Variants in ZNF516 observed in about 807,000 individuals in gnomAD.
The protein encoded by ZNF516 is zinc finger protein 516.
ZNF516 carries 19 observed loss-of-function variants against 79.7 expected under a neutral mutation model. The ratio of observed to expected loss-of-function variants is 0.24; its 90% CI spans 0.17 to 0.35. The LOEUF (loss-of-function observed/expected upper bound fraction) is 0.35, where lower values mean the gene tolerates loss of function less well. Ranked by LOEUF, ZNF516 falls within the 10% of genes least tolerant of loss-of-function variation. The pLI, the probability that ZNF516 is intolerant of heterozygous loss-of-function variation, is 1.00. For missense variants in ZNF516, 1,678 were observed against 1,679.5 expected (o/e 1.00, Z 0.02); for synonymous variants, 877 against 739.5 (o/e 1.19, Z -3.02).
intron 3 of ZNF516, among the ~76,000 whole-genome samples, chr18:76,383,993 T>C (rs2074937502): frequency 6.6e-6 from 1 of 152,182 alleles, no homozygotes; most frequent in South Asian, 2.1e-4. Context: ...AAGGTTTCGT[T>C]ACAGCCAGGT....
chr18:76,368,645 T>C (rs1284908522), intron 6 of ZNF516, among the ~76,000 whole-genome samples: 2 of 152,086 alleles, frequency 1.3e-5, no homozygotes, highest in Non-Finnish European at 2.9e-5. Flanking sequence ...TGGTATGAAG[T>C]ATAAAATAAC....
At chr18:76,463,845 T>C (rs774214949) in intron 1 of ZNF516, among the ~76,000 whole-genome samples, 5 of 152,230 alleles carry the variant, frequency 3.3e-5, no homozygotes, top group Non-Finnish European at 5.9e-5. Context: ...TAGCAAAGTA[T>C]TCATAATAAA....
intron 3 of ZNF516, among the ~76,000 whole-genome samples, chr18:76,437,985 GATGGAGT>G (rs2075766007): frequency 1.3e-5 from 2 of 152,318 alleles, no homozygotes; most frequent in South Asian, 4.1e-4. Context: ...GGTTCAACAG[GATGGAGT>G]ATGGATTTTA....
chr18:76,433,280 G>C (rs1259830482), intron 3 of ZNF516, among the ~76,000 whole-genome samples: 7 of 152,170 alleles, frequency 4.6e-5, no homozygotes, highest in Admixed American at 4.6e-4. Flanking sequence ...CATGGAGTTC[G>C]CTGTCAACTC....
chr18:76,384,888 A>G (rs1486332776), intron 3 of ZNF516, among the ~76,000 whole-genome samples: 14 of 152,242 alleles, frequency 9.2e-5, no homozygotes, highest in Non-Finnish European at 2.1e-4. Context: ...TGATTTGAGC[A>G]TGGCGTGGCC....
At chr18:76,479,866 A>G (rs562306105) in intron 1 of ZNF516, among the ~76,000 whole-genome samples, 2 of 152,342 alleles carry the variant, frequency 1.3e-5, no homozygotes, top group South Asian at 2.1e-4. Flanking sequence ...CACTTGGGAC[A>G]GGGCCTGAGG....
intron 3 of ZNF516, among the ~76,000 whole-genome samples, chr18:76,404,177 C>T (rs7227954): frequency 0.13 from 19,769 of 152,268 alleles, 2,483 homozygotes; most frequent in African/African-American, 0.33. Flanking sequence ...AAAGGGAAGA[C>T]CCTCGGAAGC....
At chr18:76,492,314 C>A (rs1185347124) in intron 1 of ZNF516, 1 of 985,350 alleles carries the variant, frequency 1.0e-6, no homozygotes, top group Non-Finnish European at 1.2e-6. Context: ...ACCGATATTC[C>A]TGAGAAAGTC....
rs140880977 is a variant in ZNF516 at position 76,422,822 on chromosome 18, G to A, written c.1810+18423C>T. On this transcript the variant is annotated intron_variant, in intron 3 of 6. Transcript: ENST00000443185. ...ACAGGTTAGAAAGAAATCTCCAATCGTAAACAATGACAAACTGGAATAGAT... is the reference window on the plus strand; with the variant it reads ...ACAGGTTAGAAAGAAATCTCCAATCATAAACAATGACAAACTGGAATAGAT... Among the ~76,000 whole-genome samples the A allele has an allele frequency of 6.0e-3, 914 of 152,178 alleles. 3 individuals carry two copies. The highest frequency in any genetic ancestry group is 9.7e-3 in the Non-Finnish European group (658 of 68,010).
chr18:76,424,073 C>A (rs2554839), intron 3 of ZNF516, among the ~76,000 whole-genome samples: 5 of 62,994 alleles, frequency 7.9e-5, no homozygotes, highest in African/African-American at 3.1e-4. Context: ...AAAAGGCTCC[C>A]TCCTGAAACA....
In ZNF516 at chr18:76,362,353, G is replaced by T; in HGVS notation, c.*145C>A. ...CCTTCAGTTTCCACTCCAGCGCAGC[G>T]GCTCGGGATGTGAGGTGTCTGCTCA... is the stretch of plus-strand genomic sequence containing the variant. On this transcript the variant is annotated 3_prime_UTR_variant, in exon 7 of 7. Coordinates refer to ENST00000443185, the MANE Select transcript of ZNF516 (RefSeq NM_014643.4). 1 of 643,766 alleles carries T rather than the reference G, an allele frequency of 1.6e-6. No individual in the cohort carries two copies. Among genetic ancestry groups the T allele is most frequent in the Non-Finnish European group, 2.7e-6 (1 of 374,942 alleles). The allele number at this position is 643,766 out of a possible 1,614,324, so 39.9% of individuals were successfully genotyped here.
intron 3 of ZNF516, among the ~76,000 whole-genome samples, chr18:76,398,000 G>C (rs2075168942): frequency 6.6e-6 from 1 of 152,168 alleles, no homozygotes; most frequent in Non-Finnish European, 1.5e-5. Flanking sequence ...AGTGAGTACA[G>C]AATCAACAAC....
intron 1 of ZNF516, among the ~76,000 whole-genome samples, chr18:76,480,237 AT>A (rs1914429826): frequency 6.6e-6 from 1 of 151,202 alleles, no homozygotes; most frequent in African/African-American, 2.4e-5. Context: ...AACATTTTGG[AT>A]TTTGGATATA....
At chr18:76,402,415 T>TG (rs57962719) in intron 3 of ZNF516, among the ~76,000 whole-genome samples, 151,478 of 152,166 alleles carry the variant, frequency 1, 75,401 homozygotes, top group Middle Eastern at 1. Context: ...GACATTTCCT[T>TG]TCATCCAAGC....
chr18:76,435,481 G>A (rs2075719895), intron 3 of ZNF516, among the ~76,000 whole-genome samples: 1 of 152,144 alleles, frequency 6.6e-6, no homozygotes, highest in Non-Finnish European at 1.5e-5. Context: ...AGGACACCCA[G>A]GGCCCTGTGA....
chr18:76,416,985 C>T (rs2075440730), intron 3 of ZNF516, among the ~76,000 whole-genome samples: 1 of 152,030 alleles, frequency 6.6e-6, no homozygotes, highest in Non-Finnish European at 1.5e-5. Flanking sequence ...GGAAACATAA[C>T]CCAAAGACCT....
At chr18:76,485,371 T>C (rs564332941) in intron 1 of ZNF516, among the ~76,000 whole-genome samples, 35 of 152,312 alleles carry the variant, frequency 2.3e-4, no homozygotes, top group Admixed American at 7.8e-4. Flanking sequence ...ATAATGTCAA[T>C]ATAAATGATG....
intron 1 of ZNF516, among the ~76,000 whole-genome samples, chr18:76,485,183 A>T (rs1452812947): frequency 6.6e-6 from 1 of 152,180 alleles, no homozygotes; most frequent in African/African-American, 2.4e-5. Flanking sequence ...CAATAACGTT[A>T]ATTTAAATTA....
At chr18:76,405,782 C>T (rs1032724801) in intron 3 of ZNF516, among the ~76,000 whole-genome samples, 10 of 152,046 alleles carry the variant, frequency 6.6e-5, no homozygotes, top group African/African-American at 2.4e-4. Flanking sequence ...AGAGCCACAC[C>T]GTCACACTCA....
Sources: allele counts gnomAD v4.1 joint callset (sites outside exome capture counted in the v4.1 genomes callset), GRCh38; gene constraint gnomAD v4.1.1; transcripts MANE v1.5; gene names NCBI Gene and HGNC (gene_info 2026-07-23, HGNC 2026-07-21).